Variants in PCDHA7 observed in about 807,000 individuals in gnomAD.
PCDHA7 encodes protocadherin alpha-7.
Under a neutral mutation model 57.2 loss-of-function variants are expected in PCDHA7, and 37 were observed. The ratio of observed to expected loss-of-function variants is 0.65; its 90% CI spans 0.50 to 0.85. The LOEUF (loss-of-function observed/expected upper bound fraction) is 0.85. PCDHA7 is among the 40% of genes least tolerant of loss of function. The pLI is 0.00. For missense variants in PCDHA7, 1,188 were observed against 1,241.8 expected, an observed-to-expected ratio of 0.96 and a Z score of 0.65; for synonymous variants, 553 against 558.8, an observed-to-expected ratio of 0.99 and a Z score of 0.15.
chr5:140,910,371 A>G (rs2153514600), intron 1 of PCDHA7, among the ~76,000 whole-genome samples: 1 of 152,246 alleles, frequency 6.6e-6, no homozygotes, highest in South Asian at 2.1e-4. Flanking sequence ...AGCTATGCCC[A>G]CCTTGCCTTT....
chr5:140,923,557 A>C (rs1462470621), intron 1 of PCDHA7, among the ~76,000 whole-genome samples: 1 of 152,200 alleles, frequency 6.6e-6, no homozygotes, highest in African/African-American at 2.4e-5. Context: ...AATATCAGCA[A>C]TGAAAGGTCC....
intron 1 of PCDHA7, among the ~76,000 whole-genome samples, chr5:140,903,353 G>C (rs782739410): frequency 6.6e-5 from 10 of 152,156 alleles, no homozygotes; most frequent in Non-Finnish European, 1.3e-4. Context: ...TAAAAAACAA[G>C]TTTTTCAAAA....
intron 1 of PCDHA7, among the ~76,000 whole-genome samples, chr5:140,873,732 C>T (rs1309470062): frequency 6.6e-6 from 1 of 152,166 alleles, no homozygotes; most frequent in African/African-American, 2.4e-5. Context: ...GCAATCTCAG[C>T]TCACTGCAAT....
At chr5:140,875,292 T>A in intron 1 of PCDHA7, 1 of 1,401,900 alleles carries the variant, frequency 7.1e-7, no homozygotes, top group Non-Finnish European at 9.3e-7. Flanking sequence ...ACAGGAAAAT[T>A]TTTTTCTCCG....
intron 1 of PCDHA7, chr5:140,929,372 G>A: frequency 1.3e-6 from 2 of 1,514,740 alleles, no homozygotes; most frequent in Non-Finnish European, 1.8e-6. Context: ...GGAGATGGCT[G>A]CTAGCTGTGT....
At chr5:140,928,096 C>T (rs145229632) in intron 1 of PCDHA7, 1 of 1,614,170 alleles carries the variant, frequency 6.2e-7, no homozygotes, top group Non-Finnish European at 8.5e-7. Context: ...GATTGATGGG[C>T]CCCTGGACCG....
At chr5:140,972,500 T>C (rs1554234162) in intron 1 of PCDHA7, among the ~76,000 whole-genome samples, 1 of 152,108 alleles carries the variant, frequency 6.6e-6, no homozygotes, top group Non-Finnish European at 1.5e-5. Flanking sequence ...AATCTGTTGG[T>C]AGATTTTACC....
intron 1 of PCDHA7, chr5:140,927,852 A>C: frequency 6.2e-7 from 1 of 1,614,218 alleles, no homozygotes; most frequent in Non-Finnish European, 8.5e-7. Flanking sequence ...TCTTTGGTTT[A>C]GCTAGCACCG....
At position 140,927,384 on chromosome 5, in the gene PCDHA7, C is replaced by G. The variant is rs2084146194; in HGVS notation, c.2356-51565C>G. On this transcript the variant is annotated intron_variant, in intron 1 of 3. Transcript: ENST00000525929. Reference sequence around the variant, plus strand: ...ATGGGATACTAAGCTACAGCCTAAGCCCCAGTCAGCACTTTCGCCTGGACA... The same window carrying G: ...ATGGGATACTAAGCTACAGCCTAAGGCCCAGTCAGCACTTTCGCCTGGACA... 1 of 1,613,996 alleles carries G rather than the reference C, an allele frequency of 6.2e-7. No individual in the cohort carries two copies. The highest frequency in any genetic ancestry group is 1.7e-5 in the Admixed American group (1 of 60,010).
intron 1 of PCDHA7, among the ~76,000 whole-genome samples, chr5:140,890,854 T>G (rs1320462436): frequency 6.6e-6 from 1 of 152,232 alleles, no homozygotes; most frequent in Non-Finnish European, 1.5e-5. Context: ...TTTCTCTTCC[T>G]TACTTCTTGC....
intron 1 of PCDHA7, among the ~76,000 whole-genome samples, chr5:140,931,965 CAT>C (rs1195736359): frequency 6.6e-6 from 1 of 151,852 alleles, no homozygotes; most frequent in African/African-American, 2.4e-5. Context: ...CATGTTGATG[CAT>C]ATGTGTTTAT....
chr5:140,837,271 C>T (rs1199620898), intron 1 of PCDHA7: 1 of 152,090 alleles, frequency 6.6e-6, no homozygotes, highest in African/African-American at 2.4e-5. Context: ...TTGTGTAGCA[C>T]TGACTTCTTT....
intron 3 of PCDHA7, among the ~76,000 whole-genome samples, chr5:140,993,088 CTA>C (rs1420227988): frequency 6.6e-6 from 1 of 152,202 alleles, no homozygotes; most frequent in Non-Finnish European, 1.5e-5. Flanking sequence ...ATCAGCAGGG[CTA>C]TGTTTATTCA....
chr5:140,837,818 A>C (rs1775271725), intron 1 of PCDHA7, among the ~76,000 whole-genome samples: 1 of 151,624 alleles, frequency 6.6e-6, no homozygotes, highest in Admixed American at 6.6e-5. Flanking sequence ...CTGGGAATAC[A>C]GTTTGCATGT....
chr5:140,844,634 A>G (rs1352743996), intron 1 of PCDHA7, among the ~76,000 whole-genome samples: 1 of 149,578 alleles, frequency 6.7e-6, no homozygotes, highest in Non-Finnish European at 1.5e-5. Flanking sequence ...AAAACTATAC[A>G]TGATAATTTC....
At position 140,834,539 on chromosome 5, in the gene PCDHA7, G is replaced by A. The variant is rs1489443393; in HGVS notation, c.156G>A (p.Leu52=). The part of the protein sequence containing the change: ...GNFVGRIAQD[L]GLELAELVPR... ...TCGTGGGCCGCATCGCGCAGGACCT[G>A]GGGCTGGAGCTGGCGGAGCTGGTGC... The change falls in exon 1 of 4, where the codon CTG becomes CTA. Residue 52 remains leucine, a synonymous_variant. Transcript: ENST00000525929. 1.2e-6 allele frequency: 2 copies of A among 1,613,968 alleles called. No individual in the cohort carries two copies. The highest frequency in any genetic ancestry group is 1.7e-6 in the Non-Finnish European group (2 of 1,180,054).
intron 1 of PCDHA7, chr5:140,856,383 C>A (rs1053203263): frequency 3.8e-6 from 6 of 1,598,432 alleles, no homozygotes; most frequent in Non-Finnish European, 5.1e-6. Flanking sequence ...GTGGACAGGC[C>A]GCTGCAGGTT....
At chr5:140,842,923 G>C in intron 1 of PCDHA7, 1 of 1,594,642 alleles carries the variant, frequency 6.3e-7, no homozygotes, top group Non-Finnish European at 8.6e-7. Context: ...TGCAGTTCCA[G>C]GTGAGCGCGC....
intron 1 of PCDHA7, chr5:140,929,432 T>C: frequency 1.4e-6 from 2 of 1,474,372 alleles, no homozygotes; most frequent in Non-Finnish European, 1.8e-6. Flanking sequence ...TCAATTGAAC[T>C]AAACACTCCT....
Sources: allele counts gnomAD v4.1 joint callset (sites outside exome capture counted in the v4.1 genomes callset), GRCh38; gene constraint gnomAD v4.1.1; transcripts MANE v1.5; gene names NCBI Gene and HGNC (gene_info 2026-07-23, HGNC 2026-07-21).